The following SHISA9 variants were observed in gnomAD, a reference collection of about 807,000 sequenced individuals.
The protein encoded by SHISA9 is protein shisa-9.
SHISA9 carries 13 observed loss-of-function variants against 38.0 expected under a neutral mutation model. The observed-to-expected ratio is 0.34, with a 90% CI of 0.22 to 0.54. SHISA9 has a LOEUF of 0.54. Among genes scored for constraint, SHISA9 ranks in the 20% least tolerant of loss-of-function variants. The pLI is 0.91. For synonymous variants in SHISA9, 275 were observed against 242.0 expected, an observed-to-expected ratio of 1.14 and a Z score of -1.27; for missense variants, 538 against 575.8, an observed-to-expected ratio of 0.93 and a Z score of 0.67.
the SHISA9 span, among the ~76,000 whole-genome samples, chr16:13,310,875 G>T: frequency 6.6e-6 from 1 of 151,630 alleles, no homozygotes; most frequent in Non-Finnish European, 1.5e-5. Flanking sequence ...GTAGAGACGG[G>T]GTTTCATCCT....
In SHISA9 at chr16:12,916,708, G is replaced by C; in HGVS notation, c.584G>C (p.Arg195Thr). Residue 195 changes from arginine to threonine, a missense_variant, in exon 2 of 5, where the codon AGA (arginine) becomes ACA (threonine). By Grantham distance (71) the Arg-to-Thr change is moderately conservative. Coordinates refer to ENST00000558583, the MANE Select transcript of SHISA9 (RefSeq NM_001145204.3). ...TTCAGGGCCCTTGCGGATGTCATGA[G>C]ACCACAGGGCCACTGCAACACTGAT... is the stretch of plus-strand genomic sequence containing the variant. Reference protein sequence around the residue: ...HMSRALADVMRPQGHCNTDHM... With the variant: ...HMSRALADVMTPQGHCNTDHM... 1 of 1,551,630 alleles carries C rather than the reference G, an allele frequency of 6.4e-7. No homozygotes were observed. Among genetic ancestry groups the C allele is most frequent in the Admixed American group, 2.0e-5 (1 of 50,918 alleles).
At chr16:13,349,526 T>C in the SHISA9 span, among the ~76,000 whole-genome samples, 1 of 152,234 alleles carries the variant, frequency 6.6e-6, no homozygotes, top group African/African-American at 2.4e-5. Flanking sequence ...ACAGAGCCAC[T>C]GCTGCACTCA....
chr16:13,085,137 A>C (rs1567207013), intron 2 of SHISA9, among the ~76,000 whole-genome samples: 1 of 152,204 alleles, frequency 6.6e-6, no homozygotes, highest in Non-Finnish European at 1.5e-5. Context: ...TATCCTTACC[A>C]ATATGGTGGA....
At chr16:12,956,074 C>G (rs2071829705) in intron 2 of SHISA9, among the ~76,000 whole-genome samples, 1 of 152,052 alleles carries the variant, frequency 6.6e-6, no homozygotes, top group South Asian at 2.1e-4. Context: ...ACAAACAACC[C>G]CGTTAAAAAC....
chr16:13,193,487 T>G (rs751952014), intron 2 of SHISA9, among the ~76,000 whole-genome samples: 1 of 151,952 alleles, frequency 6.6e-6, no homozygotes, highest in Non-Finnish European at 1.5e-5. Flanking sequence ...GAGTAGCTGG[T>G]ATTACAGCTA....
intron 2 of SHISA9, among the ~76,000 whole-genome samples, chr16:13,154,598 C>G (rs1269673052): frequency 1.3e-5 from 2 of 152,202 alleles, no homozygotes; most frequent in African/African-American, 4.8e-5. Flanking sequence ...GTGAGCAATA[C>G]AACTTTGTTG....
At chr16:13,483,049 A>T in the SHISA9 span, among the ~76,000 whole-genome samples, 1 of 152,158 alleles carries the variant, frequency 6.6e-6, no homozygotes, top group Non-Finnish European at 1.5e-5. Flanking sequence ...GGGCACTTAG[A>T]GTTTGGCTCT....
At chr16:13,316,219 G>T in the SHISA9 span, among the ~76,000 whole-genome samples, 1 of 152,142 alleles carries the variant, frequency 6.6e-6, no homozygotes, top group East Asian at 1.9e-4. Flanking sequence ...CAGTGGCTTT[G>T]TGTTGGAAAT....
chr16:13,364,845 C>T, the SHISA9 span, among the ~76,000 whole-genome samples: 1 of 152,192 alleles, frequency 6.6e-6, no homozygotes, highest in Non-Finnish European at 1.5e-5. Context: ...TTGCTGGTAA[C>T]ATCCAGGCTA....
intron 3 of SHISA9, among the ~76,000 whole-genome samples, chr16:13,210,168 T>C (rs965577166): frequency 6.6e-6 from 1 of 152,210 alleles, no homozygotes; most frequent in East Asian, 1.9e-4. Context: ...CTTCCAGAAC[T>C]GGAAAAGATC....
chr16:13,095,961 G>A (rs1432344392), intron 2 of SHISA9, among the ~76,000 whole-genome samples: 1 of 152,166 alleles, frequency 6.6e-6, no homozygotes, highest in Non-Finnish European at 1.5e-5. Flanking sequence ...AAGTTCCCAG[G>A]TGATGCTGTT....
chr16:13,550,632 A>T, the SHISA9 span, among the ~76,000 whole-genome samples: 1 of 152,232 alleles, frequency 6.6e-6, no homozygotes, highest in Non-Finnish European at 1.5e-5. Flanking sequence ...AGAAAGTCAG[A>T]TACACAAGGA....
intron 2 of SHISA9, among the ~76,000 whole-genome samples, chr16:12,976,978 T>A (rs538885199): frequency 6.6e-6 from 1 of 152,138 alleles, no homozygotes; most frequent in South Asian, 2.1e-4. Flanking sequence ...GAGGAGAACA[T>A]TGTAAGCTTG....
intron 2 of SHISA9, among the ~76,000 whole-genome samples, chr16:13,135,315 T>C (rs1210710012): frequency 1.3e-5 from 2 of 152,238 alleles, no homozygotes; most frequent in African/African-American, 4.8e-5. Flanking sequence ...ATGCACCACC[T>C]GGATCCTTCT....
At chr16:13,556,595 A>G in the SHISA9 span, among the ~76,000 whole-genome samples, 15 of 152,040 alleles carry the variant, frequency 9.9e-5, no homozygotes, top group African/African-American at 3.6e-4. Flanking sequence ...CCCGGGAGGC[A>G]GAGCTTGCAG....
intron 2 of SHISA9, among the ~76,000 whole-genome samples, chr16:12,930,334 T>C (rs1176147993): frequency 1.3e-5 from 2 of 152,268 alleles, no homozygotes; most frequent in African/African-American, 4.8e-5. Context: ...TCAGTGCTGT[T>C]ATCAGAGTCT....
chr16:12,902,965 G>C lies in SHISA9; in HGVS notation c.563+338G>C, dbSNP rs550156682. ...GAGCCCGTGGCCCCGAAATCTTCGG[G>C]TTTGGGGAGAGGGTCCATGGCACCC... On this transcript the variant is annotated intron_variant, in intron 1 of 4. Transcript: ENST00000558583. The C allele has an allele frequency of 1.3e-4, 37 of 285,064 alleles. No individual in the cohort carries two copies. In the East Asian group the frequency reaches 2.6e-3, roughly 20 times the overall value. 17.7% of individuals were successfully genotyped at this position (285,064 alleles called of 1,614,324 possible).
At chr16:13,234,957 A>ACTCTCTCTCT (rs71147791) in intron 4 of SHISA9, 73 bp from the exon 5 acceptor site, 24 of 1,324,734 alleles carry the variant, frequency 1.8e-5, no homozygotes, top group African/African-American at 1.8e-4. Context: ...CCAGTCTCTA[A>ACTCTCTCTCT]CTCTCTCTCT....
intron 4 of SHISA9, among the ~76,000 whole-genome samples, chr16:13,220,688 A>G (rs925182869): frequency 1.3e-5 from 2 of 152,202 alleles, no homozygotes; most frequent in Non-Finnish European, 1.5e-5. Context: ...CTCTATCTAT[A>G]TAGCAGCAAT....
Sources: gnomAD v4.1 joint callset for allele counts (sites outside exome capture counted in the v4.1 genomes callset) on GRCh38, gnomAD v4.1.1 for gene constraint, MANE v1.5 for transcripts, NCBI Gene and HGNC (gene_info 2026-07-23, HGNC 2026-07-21) for gene names.